CABIN1: variants seen among roughly 807,000 people sequenced by gnomAD.
CABIN1 encodes calcineurin-binding protein cabin-1.
CABIN1 carries 133 observed loss-of-function variants against 227.7 expected under a neutral mutation model. The observed-to-expected ratio is 0.58, with a 90% CI of 0.51 to 0.67. The LOEUF (loss-of-function observed/expected upper bound fraction) is 0.67, where lower values mean the gene tolerates loss of function less well. Ranked by LOEUF, CABIN1 falls within the 30% of genes least tolerant of loss-of-function variation. CABIN1 has a pLI of 0.00. For missense variants in CABIN1, 2,408 were observed against 2,852.5 expected, an observed-to-expected ratio of 0.84 and a Z score of 3.55; for synonymous variants, 1,086 against 1,155.1, an observed-to-expected ratio of 0.94 and a Z score of 1.21.
At chr22:24,081,150 T>TA (rs2040780579) in intron 19 of CABIN1, among the ~76,000 whole-genome samples, 1 of 152,222 alleles carries the variant, frequency 6.6e-6, no homozygotes, top group Non-Finnish European at 1.5e-5. Context: ...CTTCATGTGT[T>TA]AAAAAATAGT....
At chr22:24,063,908 C>A in intron 14 of CABIN1, 127 bp from the exon 15 acceptor site, 1 of 1,067,762 alleles carries the variant, frequency 9.4e-7, no homozygotes, top group Non-Finnish European at 1.4e-6. Flanking sequence ...TAGGGGGGTA[C>A]AGTGTAATTG....
intron 35 of CABIN1, among the ~76,000 whole-genome samples, chr22:24,176,852 C>G (rs2047142501): frequency 6.6e-6 from 1 of 152,248 alleles, no homozygotes; most frequent in South Asian, 2.1e-4. Context: ...ATGGCAGGAC[C>G]TGGCGCCAGC....
chr22:24,131,080 G>A (rs1054822925), intron 28 of CABIN1, among the ~76,000 whole-genome samples: 6 of 152,344 alleles, frequency 3.9e-5, no homozygotes, highest in African/African-American at 1.4e-4. Flanking sequence ...GCTGGGCAGG[G>A]AAGCAGAGTC....
chr22:24,093,093 C>T (rs753690437), intron 24 of CABIN1, among the ~76,000 whole-genome samples: 30 of 152,158 alleles, frequency 2.0e-4, no homozygotes, highest in Non-Finnish European at 7.4e-5. Context: ...TGAGTATTTC[C>T]AAGGACTAGA....
At position 24,153,216 on chromosome 22, in the gene CABIN1, C is replaced by T. The variant is rs548316669; in HGVS notation, c.4747-11184C>T. Among the ~76,000 whole-genome samples the T allele has an allele frequency of 3.1e-3, 467 of 152,336 alleles. 2 individuals are homozygous for T. The highest frequency in any genetic ancestry group is 0.011 in the African/African-American group (455 of 41,578). On this transcript the variant is annotated intron_variant, in intron 29 of 36. Coordinates refer to ENST00000263119, the MANE Select transcript of CABIN1 (RefSeq NM_012295.4). ...TCCAAGGAGGGTGTGACCACTTAAG[C>T]AGGCTCCTGCTGGCCTGTGGGTGAG...
At chr22:24,086,971 A>G (rs1355578590) in intron 22 of CABIN1, among the ~76,000 whole-genome samples, 1 of 152,098 alleles carries the variant, frequency 6.6e-6, no homozygotes, top group East Asian at 1.9e-4. Context: ...AAATGTGCTA[A>G]TGACAGGCTC....
intron 26 of CABIN1, among the ~76,000 whole-genome samples, chr22:24,105,866 G>A (rs1241063435): frequency 2.0e-5 from 3 of 152,212 alleles, no homozygotes; most frequent in Non-Finnish European, 2.9e-5. Flanking sequence ...CACCAGGCTT[G>A]GCAGCTTTTG....
chr22:24,153,722 C>T (rs1323363570), intron 29 of CABIN1, among the ~76,000 whole-genome samples: 2 of 152,106 alleles, frequency 1.3e-5, no homozygotes, highest in East Asian at 1.9e-4. Context: ...TGCAGGACAT[C>T]GTGTGGTGCT....
At chr22:24,168,237 G>T (rs947410711) in intron 32 of CABIN1, among the ~76,000 whole-genome samples, 4 of 152,254 alleles carry the variant, frequency 2.6e-5, no homozygotes, top group Non-Finnish European at 5.9e-5. Context: ...ATCTGCCCCT[G>T]CTACCCACGA....
At chr22:24,071,966 C>G (rs567281189) in intron 17 of CABIN1, among the ~76,000 whole-genome samples, 1 of 152,206 alleles carries the variant, frequency 6.6e-6, no homozygotes, top group African/African-American at 2.4e-5. Context: ...TGCCCCACCC[C>G]TCCTCTGTGA....
intron 7 of CABIN1, among the ~76,000 whole-genome samples, chr22:24,050,460 G>A (rs1252280548): frequency 6.6e-6 from 1 of 152,182 alleles, no homozygotes; most frequent in Non-Finnish European, 1.5e-5. Flanking sequence ...ATGACTTTTT[G>A]TTGGCATGGG....
At chr22:24,163,056 T>G (rs2046247070) in intron 29 of CABIN1, among the ~76,000 whole-genome samples, 1 of 152,234 alleles carries the variant, frequency 6.6e-6, no homozygotes, top group Non-Finnish European at 1.5e-5. Flanking sequence ...GATCCACATC[T>G]GCATGGTAGG....
In CABIN1 at chr22:24,038,424, C is replaced by T; in HGVS notation, c.173C>T (p.Ala58Val). 1 of 1,614,076 alleles carries T rather than the reference C, an allele frequency of 6.2e-7. No homozygotes were observed. Among genetic ancestry groups the T allele is most frequent in the Non-Finnish European group, 8.5e-7 (1 of 1,179,994 alleles). Residue 58 changes from alanine to valine, a missense_variant, in exon 4 of 37, where the codon GCC (alanine) becomes GTC (valine). Transcript: ENST00000263119. ...KHDRFEESAKAYHELLEASLL... is the reference protein window; with the variant it reads ...KHDRFEESAKVYHELLEASLL... ...GACCGGTTTGAGGAGTCTGCCAAAG[C>T]CTACCATGAGCTCTTGGAGGCGAGC...
In CABIN1 at chr22:24,113,649, G is replaced by C; in HGVS notation, c.4201G>C (p.Glu1401Gln). 4 of 1,614,162 alleles carry C rather than the reference G, an allele frequency of 2.5e-6. No individual in the cohort carries two copies. Among genetic ancestry groups the C allele is most frequent in the Non-Finnish European group, 3.4e-6 (4 of 1,180,032 alleles). Residue 1401 changes from glutamate to glutamine, a missense_variant, in exon 27 of 37, where the codon GAA becomes CAA. Glu to Gln is a conservative substitution (Grantham distance 29). This residue lies in a region of CABIN1 where 649 missense variants were observed against 910.3 expected (regional missense o/e 0.71). Transcript: ENST00000263119. ...DFFNEPTSLL[E>Q]GSRKSYTEKR... ...CTTTAATGAGCCCACCAGCTTACTG[G>C]AAGGCTCCAGGAAATCCTACACAGA... is the stretch of plus-strand genomic sequence containing the variant.
intron 1 of CABIN1, among the ~76,000 whole-genome samples, chr22:24,027,348 T>C (rs941283959): frequency 6.6e-6 from 1 of 152,220 alleles, no homozygotes; most frequent in Admixed American, 6.5e-5. Context: ...TTCTGTGTAA[T>C]CTCTTTCCAC....
chr22:24,071,653 C>T (rs1026199016), intron 17 of CABIN1, among the ~76,000 whole-genome samples: 5 of 152,198 alleles, frequency 3.3e-5, no homozygotes, highest in African/African-American at 4.8e-5. Context: ...GCCACAGTCT[C>T]CTCTGCCCGC....
intron 1 of CABIN1, among the ~76,000 whole-genome samples, chr22:24,029,556 T>TAA (rs1049318587): frequency 1.4e-5 from 2 of 144,422 alleles, no homozygotes; most frequent in African/African-American, 5.1e-5. Context: ...GACCCTGTCT[T>TAA]AAAAAAAAAA....
intron 28 of CABIN1, among the ~76,000 whole-genome samples, chr22:24,120,548 G>A (rs950698027): frequency 3.3e-5 from 5 of 152,142 alleles, no homozygotes; most frequent in African/African-American, 4.8e-5. Context: ...ATGGCCAGGC[G>A]TGGTGGCTCA....
chr22:24,043,377 C>T lies in CABIN1; in HGVS notation c.526+293C>T, dbSNP rs111983703. 2.6e-3 allele frequency among the ~76,000 whole-genome samples: 356 copies of T among 135,974 alleles called. 6 individuals are homozygous for T. The South Asian group carries it at 0.036, about 14-fold the overall frequency. The allele number at this position is 135,974 out of a possible 152,430, so 89.2% of individuals were successfully genotyped here. A position where few individuals can be genotyped will look rare whatever the true frequency, so the allele number is the denominator to read the frequency against. On this transcript the variant is annotated intron_variant, in intron 6 of 36. Coordinates refer to ENST00000263119, the MANE Select transcript of CABIN1 (RefSeq NM_012295.4). ...TTGACAGAAGTGGCTATCTTATTTCCTCCCTGCACTGTCCCATTTTGTGTG... is the reference window on the plus strand; with the variant it reads ...TTGACAGAAGTGGCTATCTTATTTCTTCCCTGCACTGTCCCATTTTGTGTG...
Sources: allele counts gnomAD v4.1 joint callset (sites outside exome capture counted in the v4.1 genomes callset), GRCh38; gene constraint gnomAD v4.1.1; regional missense constraint gnomAD v4.1.1; transcripts MANE v1.5; gene names NCBI Gene and HGNC (gene_info 2026-07-23, HGNC 2026-07-21).